DPP6: variants seen among roughly 807,000 people sequenced by gnomAD.
DPP6 encodes A-type potassium channel modulatory protein DPP6.
A neutral mutation model predicts 122.6 loss-of-function variants in DPP6; 69 were observed. The observed-to-expected ratio is 0.56, with a 90% CI of 0.46 to 0.69. The LOEUF (loss-of-function observed/expected upper bound fraction) is 0.69. Ranked by LOEUF, DPP6 falls within the 30% of genes least tolerant of loss-of-function variation. The pLI is 0.00. For synonymous variants in DPP6, 418 were observed against 433.1 expected, an observed-to-expected ratio of 0.97 and a Z score of 0.43; for missense variants, 928 against 1,116.9, an observed-to-expected ratio of 0.83 and a Z score of 2.41.
rs796244281 is a variant in DPP6 at position 154,061,936 on chromosome 7, GA to G, written c.243+8874del. 4.7e-5 allele frequency among the ~76,000 whole-genome samples: 6 copies of G among 126,528 alleles called. 2 individuals are homozygous for G. Among genetic ancestry groups the G allele is most frequent in the Non-Finnish European group, 8.6e-5 (5 of 58,308 alleles). 83.0% of individuals were successfully genotyped at this position (126,528 alleles called of 152,430 possible). A position where few individuals can be genotyped will look rare whatever the true frequency, so the allele number is the denominator to read the frequency against. ...CTGGCTCTGAGGACCCCCATCGCAG[GA>G]GGGGGAGGCAACCCTGCGAGGGTGG... is the stretch of plus-strand genomic sequence containing the variant. On this transcript the variant is annotated intron_variant, in intron 1 of 25. Transcript: ENST00000377770.
chr7:154,386,030 A>G (rs190528240), intron 1 of DPP6, among the ~76,000 whole-genome samples: 1 of 152,260 alleles, frequency 6.6e-6, no homozygotes, highest in East Asian at 1.9e-4. Flanking sequence ...CTTTCTTGCA[A>G]AAGTACAAGG....
At chr7:153,889,697 G>A (rs1446800537) in intron 1 of DPP6, among the ~76,000 whole-genome samples, 2 of 152,160 alleles carry the variant, frequency 1.3e-5, no homozygotes, top group African/African-American at 4.8e-5. Flanking sequence ...TATTCCATGT[G>A]ATACTCATTG....
At chr7:154,199,181 C>T (rs6961409) in intron 1 of DPP6, among the ~76,000 whole-genome samples, 151,894 of 152,204 alleles carry the variant, frequency 1, 75,792 homozygotes, top group Middle Eastern at 1. Flanking sequence ...TTTCAAATGC[C>T]CACCAACATT....
At chr7:154,147,177 C>T (rs1293597411) in intron 1 of DPP6, among the ~76,000 whole-genome samples, 9,283 of 150,012 alleles carry the variant, frequency 0.062, no homozygotes, top group African/African-American at 0.2. Context: ...TCCAAAATAA[C>T]ACAGGATTGG....
chr7:154,695,194 T>C (rs145337455), intron 7 of DPP6, among the ~76,000 whole-genome samples: 70 of 152,214 alleles, frequency 4.6e-4, no homozygotes, highest in African/African-American at 1.7e-3. Context: ...TGAGGGTGCA[T>C]GACGCCCAAG....
intron 1 of DPP6, among the ~76,000 whole-genome samples, chr7:154,230,195 A>C (rs1800840411): frequency 6.6e-6 from 1 of 152,080 alleles, no homozygotes; most frequent in African/African-American, 2.4e-5. Context: ...TATGGATCTG[A>C]TGGTATGCAC....
chr7:154,043,255 TG>T (rs1192456429), intron 1 of DPP6, among the ~76,000 whole-genome samples: 1 of 151,686 alleles, frequency 6.6e-6, no homozygotes, highest in Non-Finnish European at 1.5e-5. Context: ...TAGCCAGCTC[TG>T]GTGGCGCATG....
chr7:154,243,280 A>G (rs1367603847), intron 1 of DPP6, among the ~76,000 whole-genome samples: 1 of 152,186 alleles, frequency 6.6e-6, no homozygotes, highest in Non-Finnish European at 1.5e-5. Flanking sequence ...ATGATCAAGG[A>G]AAACAACAGT....
chr7:154,241,222 T>TAG lies in DPP6; in HGVS notation c.243+188160_243+188161insGA, dbSNP rs1424302112. The stretch of plus-strand genomic sequence containing the variant: ...GTGTGTGTGTGTGTGTGTGTGTGTA[T>TAG]ATATATATAGAGAGAGAGAGAGACA... On this transcript the variant is annotated intron_variant, in intron 1 of 25. Transcript: ENST00000377770. The surrounding 1 kb of genome is among the most constrained non-coding windows in gnomAD (Gnocchi z 9.0). 7.0e-6 allele frequency among the ~76,000 whole-genome samples: 1 copy of TAG among 142,800 alleles called. No individual in the cohort carries two copies. The highest frequency in any genetic ancestry group is 2.8e-5 in the African/African-American group (1 of 36,024). The allele number at this position is 142,800 out of a possible 152,430, so 93.7% of individuals were successfully genotyped here.
intron 5 of DPP6, among the ~76,000 whole-genome samples, chr7:154,596,250 A>G (rs1833083166): frequency 6.6e-6 from 1 of 152,214 alleles, no homozygotes. Flanking sequence ...AAAACTATTG[A>G]AGTAAAACTG....
Position 154,030,098 on chromosome 7 carries a change from C to T in DPP6, c.51+142364C>T, listed in dbSNP as rs184645186. 2.2e-3 allele frequency among the ~76,000 whole-genome samples: 332 copies of T among 152,154 alleles called. 1 individual carries two copies. Among genetic ancestry groups the T allele is most frequent in the Non-Finnish European group, 4.2e-3 (284 of 68,010 alleles). ...GTAGTTCCAAGTACTCAGGAGATTG[C>T]AGTGGGAGGATCACTCCAGCTCAAG... On this transcript the variant is annotated intron_variant, in intron 1 of 25. Transcript: ENST00000404039.
rs1834934730 is a variant in DPP6, at chr7:154,624,397, C to G, written c.628-13424C>G. On this transcript the variant is annotated intron_variant, in intron 5 of 25. Coordinates refer to ENST00000377770, the MANE Select transcript of DPP6 (RefSeq NM_130797.4). This position sits in a 1 kb window ranked among gnomAD's most constrained non-coding sequence, Gnocchi z 4.7. ...ATCCCAGCTACTCAGAAGGCTGAGG[C>G]AGGAAAATCACTTGTACCCAGGAGA... is the stretch of plus-strand genomic sequence containing the variant. Among the ~76,000 whole-genome samples the G allele has an allele frequency of 6.6e-6, 1 of 151,310 alleles. No individual in the cohort carries two copies. The highest frequency in any genetic ancestry group is 1.5e-5 in the Non-Finnish European group (1 of 67,928).
At chr7:154,757,752 C>A (rs1386274868) in intron 8 of DPP6, among the ~76,000 whole-genome samples, 1 of 152,192 alleles carries the variant, frequency 6.6e-6, no homozygotes, top group African/African-American at 2.4e-5. Context: ...AAATCTCCGG[C>A]ACACGGGAGG....
chr7:154,523,580 C>A (rs150793857), intron 3 of DPP6, among the ~76,000 whole-genome samples: 1 of 152,264 alleles, frequency 6.6e-6, no homozygotes, highest in East Asian at 1.9e-4. Flanking sequence ...CTTTTGTTTT[C>A]TTTAAGCCTG....
chr7:153,765,169 A>G, the DPP6 span, among the ~76,000 whole-genome samples: 1 of 151,822 alleles, frequency 6.6e-6, no homozygotes, highest in Non-Finnish European at 1.5e-5. Flanking sequence ...CATACCCTTT[A>G]TTATTTTTTA....
intron 1 of DPP6, among the ~76,000 whole-genome samples, chr7:154,363,243 A>G (rs1203250585): frequency 6.6e-6 from 1 of 152,162 alleles, no homozygotes; most frequent in East Asian, 1.9e-4. Flanking sequence ...AGCCTTTTGA[A>G]CATTGTTTAG....
At chr7:153,876,246 A>G in the DPP6 span, among the ~76,000 whole-genome samples, 1 of 152,062 alleles carries the variant, frequency 6.6e-6, no homozygotes, top group African/African-American at 2.4e-5. Flanking sequence ...TCCAAGAAAA[A>G]AAATCAATAA....
At chr7:154,114,344 T>A (rs1806822212) in intron 1 of DPP6, among the ~76,000 whole-genome samples, 1 of 152,102 alleles carries the variant, frequency 6.6e-6, no homozygotes, top group South Asian at 2.1e-4. Flanking sequence ...TTGGTTTTGT[T>A]ATCTGCAAAA....
chr7:154,036,144 CTG>C (rs1799515175), intron 1 of DPP6, among the ~76,000 whole-genome samples: 1 of 151,830 alleles, frequency 6.6e-6, no homozygotes, highest in Non-Finnish European at 1.5e-5. Flanking sequence ...AAGCCTCACT[CTG>C]TTACCCAGGC....
Sources: allele counts gnomAD v4.1 joint callset (sites outside exome capture counted in the v4.1 genomes callset), GRCh38; gene constraint gnomAD v4.1.1; non-coding constraint Gnocchi (gnomAD v3.1); transcripts MANE v1.5; gene names NCBI Gene and HGNC (gene_info 2026-07-23, HGNC 2026-07-21).